Variants in MYH15 observed in about 807,000 individuals in gnomAD.
MYH15 encodes myosin-15.
A neutral mutation model predicts 240.5 loss-of-function variants in MYH15; 227 were observed. The ratio of observed to expected loss-of-function variants is 0.94; its 90% CI spans 0.85 to 1.05. The LOEUF (loss-of-function observed/expected upper bound fraction) is 1.05, where lower values mean the gene tolerates loss of function less well. Among genes scored for constraint, MYH15 ranks in the 50% least tolerant of loss-of-function variants. MYH15 has a pLI of 0.00. For missense variants in MYH15, 2,217 were observed against 2,247.5 expected (o/e 0.99, Z 0.27); for synonymous variants, 785 against 796.7 (o/e 0.99, Z 0.25).
At chr3:108,489,057 C>T (rs2083327353) in intron 9 of MYH15, among the ~76,000 whole-genome samples, 1 of 152,140 alleles carries the variant, frequency 6.6e-6, no homozygotes, top group South Asian at 2.1e-4. Flanking sequence ...TGGCCATTTG[C>T]ATGTCTTCTT....
At chr3:108,493,750 G>A (rs1483315279) in intron 7 of MYH15, among the ~76,000 whole-genome samples, 1 of 152,126 alleles carries the variant, frequency 6.6e-6, no homozygotes, top group African/African-American at 2.4e-5. Context: ...GAGAAAGGGG[G>A]GGCATAAAAT....
At chr3:108,518,079 A>G (rs1305334389) in intron 1 of MYH15, among the ~76,000 whole-genome samples, 1 of 152,214 alleles carries the variant, frequency 6.6e-6, no homozygotes. Context: ...CCAATATACT[A>G]TTTAATAAAA....
At chr3:108,407,324 C>A (rs2082554327) in intron 32 of MYH15, among the ~76,000 whole-genome samples, 1 of 152,170 alleles carries the variant, frequency 6.6e-6, no homozygotes, top group Non-Finnish European at 1.5e-5. Context: ...GACTGCCACA[C>A]CTTTCAAAAA....
chr3:108,510,897 A>G (rs148338572), upstream of MYH15, among the ~76,000 whole-genome samples: 305 of 152,332 alleles, frequency 2.0e-3, no homozygotes, highest in African/African-American at 6.3e-3. Context: ...AATATGAATG[A>G]TACATATTAA....
At chr3:108,505,989 G>A (rs1212768931) in intron 1 of MYH15, among the ~76,000 whole-genome samples, 160 bp from the exon 2 acceptor site, 1 of 152,116 alleles carries the variant, frequency 6.6e-6, no homozygotes, top group African/African-American at 2.4e-5. Context: ...AGCTCATTCT[G>A]AAGATACACT....
intron 1 of MYH15, among the ~76,000 whole-genome samples, chr3:108,527,719 A>T (rs1240064172): frequency 6.7e-6 from 1 of 150,246 alleles, no homozygotes; most frequent in South Asian, 2.1e-4. Flanking sequence ...AGAGGTTAAG[A>T]GTGGGCTCTG....
At chr3:108,518,169 C>A (rs891699807) in intron 1 of MYH15, among the ~76,000 whole-genome samples, 1 of 152,188 alleles carries the variant, frequency 6.6e-6, no homozygotes, top group Non-Finnish European at 1.5e-5. Context: ...TTTAACTTTA[C>A]AGTAGCTCTA....
At chr3:108,492,664 A>G in intron 8 of MYH15, 69 bp from the exon 9 acceptor site, 2 of 1,201,398 alleles carry the variant, frequency 1.7e-6, no homozygotes, top group East Asian at 2.4e-5. Context: ...AAAAGTAATC[A>G]GGCTGAGCGC....
chr3:108,389,220 G>A, intron 37 of MYH15, 146 bp from the exon 38 acceptor site: 1 of 599,220 alleles, frequency 1.7e-6, no homozygotes, highest in Non-Finnish European at 2.9e-6. Context: ...CAGTGTCTCT[G>A]GGAAAACTCT....
At chr3:108,438,958 T>C (rs1469517869) in intron 24 of MYH15, among the ~76,000 whole-genome samples, 1 of 151,902 alleles carries the variant, frequency 6.6e-6, no homozygotes, top group African/African-American at 2.4e-5. Flanking sequence ...CTTTGTGAGA[T>C]ATGTTATTAT....
intron 25 of MYH15, among the ~76,000 whole-genome samples, chr3:108,435,831 TATGTATACAC>T: frequency 7.2e-6 from 1 of 138,994 alleles, no homozygotes; most frequent in African/African-American, 2.6e-5. Context: ...CATATATGTA[TATGTATACAC>T]ACACACACAC....
chr3:108,466,825 A>G (rs555676025), intron 14 of MYH15, among the ~76,000 whole-genome samples: 2 of 152,338 alleles, frequency 1.3e-5, no homozygotes, highest in South Asian at 4.1e-4. Context: ...TAAGTGGCTA[A>G]TAAAATGCTG....
In MYH15 at chr3:108,410,916, T is replaced by C; in HGVS notation, c.4162A>G (p.Arg1388Gly). ...LEDAKKELAI[R>G]LQEAAEAMGV... The stretch of plus-strand genomic sequence containing the variant: ...ATGGCTTCGGCTGCCTCCTGCAATC[T>C]AATTGCCAGTTCCTTCCTGAGAAAG... Residue 1388 changes from arginine to glycine, a missense_variant, in exon 31 of 41, where the codon AGA becomes GGA. Arg to Gly is a moderately radical substitution (Grantham distance 125). Transcript: ENST00000693548. 2 of 1,600,210 alleles carry C rather than the reference T, an allele frequency of 1.2e-6. No individual in the cohort carries two copies. The highest frequency in any genetic ancestry group is 1.7e-6 in the Non-Finnish European group (2 of 1,169,226).
chr3:108,522,467 A>G (rs1466263025), intron 1 of MYH15, among the ~76,000 whole-genome samples: 1 of 152,144 alleles, frequency 6.6e-6, no homozygotes, highest in East Asian at 1.9e-4. Context: ...ATTTTAAAAC[A>G]ATCAAGTGAG....
intron 22 of MYH15, 131 bp downstream of exon 22, chr3:108,444,509 G>T: frequency 9.6e-7 from 1 of 1,041,850 alleles, no homozygotes; most frequent in Non-Finnish European, 1.4e-6. Context: ...CATTGTCTTT[G>T]GTTTTATAAA....
intron 21 of MYH15, among the ~76,000 whole-genome samples, chr3:108,446,313 C>A (rs374311821): frequency 1.3e-5 from 2 of 152,178 alleles, no homozygotes; most frequent in East Asian, 1.9e-4. Flanking sequence ...GGCTAATCTT[C>A]ATGGACCCAG....
At position 108,383,678 on chromosome 3, in the gene MYH15, A is replaced by G; in HGVS notation, c.5683T>C (p.Leu1895=). 1 of 1,610,106 alleles carries G rather than the reference A, an allele frequency of 6.2e-7. No homozygotes were observed. Among genetic ancestry groups the G allele is most frequent in the Non-Finnish European group, 8.5e-7 (1 of 1,178,528 alleles). Residue 1895 remains leucine, a synonymous_variant, in exon 40 of 41, where the codon TTG becomes CTG. Transcript: ENST00000693548. ...TCTGCCCTTTCCTTCACTTCATTCA[A>G]CTCATGTTGCTGTTTCTTATACTTG... ...LSKYKKQQHE[L]NEVKERAEVA... is the part of the protein sequence containing the mutation.
Position 108,439,787 on chromosome 3 carries a change from G to C in MYH15, c.3025C>G (p.Leu1009Val). Residue 1009 changes from leucine (L) to valine (V), a missense_variant, in exon 24 of 41, where the codon CTC becomes GTC. Physicochemically the swap from Leu to Val is conservative, Grantham distance 32 (BLOSUM62 1). Transcript: ENST00000693548. ...AGATTTGCTTTGCTCAGGCTGCTGA[G>C]CTTCTCCTCCTCCATGTGCAGGTCA... ...LDDLHMEEEK[L>V]SSLSKANLKL... The C allele has an allele frequency of 6.2e-7, 1 of 1,612,574 alleles. No homozygotes were observed. Among genetic ancestry groups the C allele is most frequent in the Non-Finnish European group, 8.5e-7 (1 of 1,179,434 alleles).
the MYH15 span, among the ~76,000 whole-genome samples, chr3:108,538,633 G>A: frequency 6.6e-6 from 1 of 152,272 alleles, no homozygotes; most frequent in Non-Finnish European, 1.5e-5. Flanking sequence ...GAAAGTCATA[G>A]AAATTTGAAA....
Sources: allele counts gnomAD v4.1 joint callset (sites outside exome capture counted in the v4.1 genomes callset), GRCh38; gene constraint gnomAD v4.1.1; transcripts MANE v1.5; gene names NCBI Gene and HGNC (gene_info 2026-07-23, HGNC 2026-07-21).